BNC2: variants seen among roughly 807,000 people sequenced by gnomAD.
The protein encoded by BNC2 is basonuclin zinc finger protein 2.
In BNC2, 20 loss-of-function variants were observed where a neutral mutation model predicts 76.3. The ratio of observed to expected loss-of-function variants is 0.26; its 90% CI spans 0.18 to 0.38. BNC2 has a LOEUF of 0.38. Among genes scored for constraint, BNC2 ranks in the 10% least tolerant of loss-of-function variants. BNC2 has a pLI of 1.00. For synonymous variants in BNC2, 582 were observed against 514.8 expected (o/e 1.13, Z -1.77); for missense variants, 1,382 against 1,399.8 (o/e 0.99, Z 0.20).
rs2118915217 is a variant in BNC2 at position 16,412,719 on chromosome 9, G to GA, written c.*6269_*6270insT. On this transcript the variant is annotated 3_prime_UTR_variant, in exon 7 of 7. Coordinates refer to ENST00000380672, the MANE Select transcript of BNC2 (RefSeq NM_017637.6). ...GAATAAGAGGGAAGGAGAGAGAGAG[G>GA]GGAGAGAGAGAGAGAGAGAGAGAGA... 1.0e-5 allele frequency: 1 copy of GA among 96,762 alleles called. No homozygotes were observed. The highest frequency in any genetic ancestry group is 1.3e-4 in the Admixed American group (1 of 7,758). 6.0% of individuals were successfully genotyped at this position (96,762 alleles called of 1,614,324 possible).
At chr9:16,668,737 T>C (rs1440252256) in intron 3 of BNC2, among the ~76,000 whole-genome samples, 4 of 152,230 alleles carry the variant, frequency 2.6e-5, no homozygotes, top group Non-Finnish European at 5.9e-5. Context: ...GTGGTTGCTG[T>C]TACCTAGGGT....
intron 6 of BNC2, among the ~76,000 whole-genome samples, chr9:16,431,767 G>A (rs1820912274): frequency 6.6e-6 from 1 of 152,192 alleles, no homozygotes; most frequent in African/African-American, 2.4e-5. Flanking sequence ...GTTTTGGGAT[G>A]ATTCAATGAT....
chr9:16,754,048 A>T (rs1825303824), intron 1 of BNC2, among the ~76,000 whole-genome samples: 1 of 152,158 alleles, frequency 6.6e-6, no homozygotes, highest in Non-Finnish European at 1.5e-5. Flanking sequence ...GTGCTCGCTT[A>T]TAGCCTGTAA....
intron 5 of BNC2, among the ~76,000 whole-genome samples, chr9:16,494,654 T>A (rs1044808630): frequency 2.6e-5 from 4 of 151,622 alleles, no homozygotes; most frequent in South Asian, 4.2e-4. Context: ...GTTGAACAAG[T>A]GAAGGAGGGA....
chr9:16,654,620 T>C (rs1347338784), intron 3 of BNC2, among the ~76,000 whole-genome samples: 1 of 152,174 alleles, frequency 6.6e-6, no homozygotes, highest in Admixed American at 6.5e-5. Flanking sequence ...TGTGTAGATA[T>C]ACTTCTTCAG....
At chr9:16,685,029 G>T (rs1262052334) in intron 3 of BNC2, among the ~76,000 whole-genome samples, 2 of 152,180 alleles carry the variant, frequency 1.3e-5, no homozygotes, top group African/African-American at 4.8e-5. Context: ...TTGAATGGCT[G>T]CTGTTCTCCT....
chr9:16,537,620 G>C (rs775685630), intron 5 of BNC2, among the ~76,000 whole-genome samples: 15 of 150,792 alleles, frequency 9.9e-5, no homozygotes, highest in Non-Finnish European at 2.1e-4. Flanking sequence ...TGTAGGAGAA[G>C]GTAGATGTAT....
At chr9:16,583,375 G>A (rs1384026718) in intron 3 of BNC2, among the ~76,000 whole-genome samples, 1 of 151,962 alleles carries the variant, frequency 6.6e-6, no homozygotes, top group Non-Finnish European at 1.5e-5. Flanking sequence ...CCGGATTTAC[G>A]ACATCACAAA....
intron 1 of BNC2, among the ~76,000 whole-genome samples, chr9:16,862,244 G>T (rs1160009685): frequency 2.0e-5 from 3 of 152,158 alleles, no homozygotes; most frequent in Non-Finnish European, 2.9e-5. Context: ...TACTCAAAAA[G>T]TGTAAACAAC....
At chr9:16,543,081 A>T (rs903172957) in intron 5 of BNC2, among the ~76,000 whole-genome samples, 1 of 152,142 alleles carries the variant, frequency 6.6e-6, no homozygotes, top group Admixed American at 6.6e-5. Context: ...CAGTAGCTCA[A>T]ATAAAACGTA....
In BNC2 at chr9:16,417,239, TAGTC is replaced by T. The variant is rs1417885884; in HGVS notation, c.*1746_*1749del. ...CTGAACTTGAGTAAATATCATCATT[TAGTC>T]AGTATGTTGTGGTAGCTGAGGCTGC... On this transcript the variant is annotated 3_prime_UTR_variant, in exon 7 of 7. Coordinates refer to ENST00000380672, the MANE Select transcript of BNC2 (RefSeq NM_017637.6). 1.3e-5 allele frequency: 2 copies of T among 152,412 alleles called. No homozygotes were observed. Among genetic ancestry groups the T allele is most frequent in the African/African-American group, 2.4e-5 (1 of 41,432 alleles). The allele number at this position is 152,412 out of a possible 1,614,324, so 9.4% of individuals were successfully genotyped here. A position where few individuals can be genotyped will look rare whatever the true frequency, so the allele number is the denominator to read the frequency against.
rs181409087 is a variant in BNC2 at position 16,511,039 on chromosome 9, T to G, written c.669+41491A>C. ...AGAGAAGGATAGGCAAAACTTGGAA[T>G]AGCCACTTAGCTTTTGTTTAATATG... On this transcript the variant is annotated intron_variant, in intron 5 of 6. Transcript: ENST00000380672. Among the ~76,000 whole-genome samples the G allele has an allele frequency of 1.8e-4, 28 of 151,640 alleles. No homozygotes were observed. The East Asian group carries it at 2.5e-3, about 14-fold the overall frequency.
Position 16,624,774 on chromosome 9 carries a change from G to A in BNC2, c.331-41689C>T, listed in dbSNP as rs930410557. On this transcript the variant is annotated intron_variant, in intron 3 of 6. Transcript: ENST00000380672. ...ATCAAAGTTATTTCTCTAGTTTATC[G>A]GAGCATTTAAGGTTTTTTTAATCCA... Among the ~76,000 whole-genome samples, 25 of 152,078 alleles carry A rather than the reference G, an allele frequency of 1.6e-4. 1 individual carries two copies. The highest frequency in any genetic ancestry group is 3.9e-4 in the Admixed American group (6 of 15,266).
chr9:16,614,785 A>AAAAAAT (rs1820648978), intron 3 of BNC2, among the ~76,000 whole-genome samples: 1 of 151,876 alleles, frequency 6.6e-6, no homozygotes, highest in Non-Finnish European at 1.5e-5. Context: ...TGTCTCTACA[A>AAAAAAT]AAAAATAAAA....
At chr9:16,591,072 G>A (rs1270662750) in intron 3 of BNC2, among the ~76,000 whole-genome samples, 1 of 152,128 alleles carries the variant, frequency 6.6e-6, no homozygotes, top group African/African-American at 2.4e-5. Context: ...AAACTCACAT[G>A]ATAGTAATGG....
chr9:16,580,157 A>C (rs1026512615), intron 4 of BNC2: 1 of 398,480 alleles, frequency 2.5e-6, no homozygotes, highest in African/African-American at 2.1e-5. Flanking sequence ...TTCTGTGCAG[A>C]GAGAGGGAAT....
At chr9:16,538,104 T>G (rs1005558218) in intron 5 of BNC2, among the ~76,000 whole-genome samples, 9 of 152,160 alleles carry the variant, frequency 5.9e-5, no homozygotes, top group African/African-American at 1.9e-4. Flanking sequence ...TAATTTATAT[T>G]AACAGCCTGG....
intron 1 of BNC2, among the ~76,000 whole-genome samples, chr9:16,754,934 G>C (rs907832718): frequency 6.6e-6 from 1 of 152,146 alleles, no homozygotes; most frequent in Non-Finnish European, 1.5e-5. Context: ...AGAAGCACTT[G>C]AGGGCCACAG....
chr9:16,628,084 G>T (rs1262772259), intron 3 of BNC2, among the ~76,000 whole-genome samples: 5 of 152,126 alleles, frequency 3.3e-5, no homozygotes, highest in Admixed American at 2.0e-4. Flanking sequence ...ACAAAAACAT[G>T]ACCAGAACTG....
Sources: gnomAD v4.1 joint callset for allele counts (sites outside exome capture counted in the v4.1 genomes callset) on GRCh38, gnomAD v4.1.1 for gene constraint, MANE v1.5 for transcripts, NCBI Gene and HGNC (gene_info 2026-07-23, HGNC 2026-07-21) for gene names.